The following LRRC7 variants were observed in gnomAD, a reference collection of about 807,000 sequenced individuals.
LRRC7 encodes the protein leucine rich repeat containing 7, also known as leucine-rich repeat-containing protein 7.
A neutral mutation model predicts 175.7 loss-of-function variants in LRRC7; 23 were observed. The observed-to-expected ratio is 0.13, with a 90% CI of 0.09 to 0.19. The LOEUF is 0.19. Among genes scored for constraint, LRRC7 ranks in the 10% least tolerant of loss-of-function variants. The pLI, the probability that LRRC7 is intolerant of heterozygous loss-of-function variation, is 1.00. For synonymous variants in LRRC7, 685 were observed against 680.9 expected, an observed-to-expected ratio of 1.01 and a Z score of -0.09; for missense variants, 1,354 against 1,904.7, an observed-to-expected ratio of 0.71 and a Z score of 5.38.
chr1:69,887,802 G>T (rs1372895593), intron 7 of LRRC7, among the ~76,000 whole-genome samples: 1 of 146,730 alleles, frequency 6.8e-6, no homozygotes, highest in African/African-American at 2.6e-5. Context: ...TTTTGGTGTG[G>T]ATGTCCTTTC....
intron 24 of LRRC7, among the ~76,000 whole-genome samples, chr1:70,078,792 A>G (rs965219353): frequency 6.8e-6 from 1 of 146,594 alleles, no homozygotes; most frequent in Non-Finnish European, 1.5e-5. Flanking sequence ...TTCTACATAT[A>G]CGCGCGCGCG....
chr1:69,915,194 C>G (rs531209218), intron 7 of LRRC7, among the ~76,000 whole-genome samples: 1 of 152,068 alleles, frequency 6.6e-6, no homozygotes, highest in Non-Finnish European at 1.5e-5. Flanking sequence ...GAATGTGACA[C>G]TAAGCCAAAG....
At chr1:69,883,899 A>T (rs1444416436) in intron 7 of LRRC7, among the ~76,000 whole-genome samples, 1 of 88,914 alleles carries the variant, frequency 1.1e-5, no homozygotes, top group African/African-American at 4.2e-5. Context: ...TGTTTTTCTC[A>T]GGTTTGTCAA....
At chr1:69,824,548 C>T (rs559754329) in intron 4 of LRRC7, among the ~76,000 whole-genome samples, 22 of 151,976 alleles carry the variant, frequency 1.4e-4, no homozygotes, top group Non-Finnish European at 2.4e-4. Context: ...AGAGAAATGG[C>T]GTGAGAAACA....
At chr1:70,013,247 T>C (rs1023218094) in intron 13 of LRRC7, among the ~76,000 whole-genome samples, 158 bp downstream of exon 13, 38 of 151,930 alleles carry the variant, frequency 2.5e-4, no homozygotes, top group Non-Finnish European at 5.2e-4. Context: ...AATTATTTTT[T>C]AAACCAAGTA....
chr1:69,858,299 G>A (rs906539714), intron 7 of LRRC7, among the ~76,000 whole-genome samples: 1 of 152,068 alleles, frequency 6.6e-6, no homozygotes, highest in Non-Finnish European at 1.5e-5. Flanking sequence ...CACAGCAAAA[G>A]AAACTATCAT....
At chr1:69,651,652 G>A (rs1453747257) in intron 1 of LRRC7, among the ~76,000 whole-genome samples, 1 of 152,076 alleles carries the variant, frequency 6.6e-6, no homozygotes, top group Non-Finnish European at 1.5e-5. Context: ...AGTATCCCAG[G>A]TGAGCACAAA....
intron 23 of LRRC7, 116 bp downstream of exon 23, chr1:70,053,261 ATAT>A (rs1489946336): frequency 7.2e-6 from 7 of 972,986 alleles, no homozygotes; most frequent in Non-Finnish European, 8.5e-6. Context: ...TTTAAGGTAA[ATAT>A]TATGCTACTA....
At chr1:69,713,618 G>T (rs1460806826) in intron 2 of LRRC7, among the ~76,000 whole-genome samples, 2 of 151,940 alleles carry the variant, frequency 1.3e-5, no homozygotes, top group African/African-American at 4.8e-5. Context: ...CTAAGTTGTA[G>T]GCCTATGCTA....
In LRRC7 at chr1:70,089,579, G is replaced by GT. The variant is rs1327158853; in HGVS notation, c.4453-145dup. On this transcript the variant is annotated intron_variant, in intron 24 of 26. Coordinates refer to ENST00000651989, the MANE Select transcript of LRRC7 (RefSeq NM_001370785.2). ...TAGAAACATTAAACATTTTGTCAAA[G>GT]TTTATATTGTCTTTTGTGTATCAAC... The GT allele has an allele frequency of 1.5e-5, 8 of 517,094 alleles. No individual in the cohort carries two copies. In the African/African-American group the frequency reaches 1.6e-4, roughly 10 times the overall value. The allele number at this position is 517,094 out of a possible 1,614,324, so 32.0% of individuals were successfully genotyped here. A position where few individuals can be genotyped will look rare whatever the true frequency, so the allele number is the denominator to read the frequency against.
rs1009126 is a variant in LRRC7, at chr1:70,049,249, A to C, written c.4111-3777A>C. ...TTAGTTAGTTGATATTCATCCTACC[A>C]GATTTTGAGTTAGAGAAATTTAGAT... On this transcript the variant is annotated intron_variant, in intron 22 of 26. Transcript: ENST00000651989. Among the ~76,000 whole-genome samples the C allele has an allele frequency of 5.5e-3, 841 of 152,244 alleles. 6 individuals carry two copies. Among genetic ancestry groups the C allele is most frequent in the South Asian group, 0.035 (167 of 4,828 alleles).
In LRRC7 at chr1:69,709,840, G is replaced by T. The variant is rs188208703; in HGVS notation, c.100+31362G>T. ...ATTGATTTATGCAACTATGTGTGTG[G>T]ATATAGGAAGCAAGATTTTTTAAGT... On this transcript the variant is annotated intron_variant, in intron 2 of 26. Transcript: ENST00000651989. 3.6e-4 allele frequency among the ~76,000 whole-genome samples: 55 copies of T among 152,230 alleles called. 1 individual carries two copies. The East Asian group carries it at 0.011, about 29-fold the overall frequency.
rs562180768 is a variant in LRRC7, at chr1:69,679,116, C to A, written c.100+638C>A. On this transcript the variant is annotated intron_variant, in intron 2 of 26. Coordinates refer to ENST00000651989, the MANE Select transcript of LRRC7 (RefSeq NM_001370785.2). ...GATTATATTTATTTATTATCTGTAG[C>A]ATGTAGCAGATTGTTGGAGACTCTT... is the stretch of plus-strand genomic sequence containing the variant. 2.2e-4 allele frequency among the ~76,000 whole-genome samples: 34 copies of A among 152,080 alleles called. 1 individual carries two copies. The South Asian group carries it at 4.4e-3, about 19-fold the overall frequency.
chr1:69,659,456 A>G (rs1657118738), intron 1 of LRRC7, among the ~76,000 whole-genome samples: 1 of 151,832 alleles, frequency 6.6e-6, no homozygotes, highest in Non-Finnish European at 1.5e-5. Flanking sequence ...GTATAAATAG[A>G]CAATGTCATA....
chr1:69,814,921 G>A (rs1439190080), intron 4 of LRRC7, among the ~76,000 whole-genome samples: 1 of 152,058 alleles, frequency 6.6e-6, no homozygotes, highest in African/African-American at 2.4e-5. Context: ...TGAATTTAAT[G>A]TTTGTTTTGT....
chr1:69,904,265 T>C (rs936728794), intron 7 of LRRC7, among the ~76,000 whole-genome samples: 12 of 152,168 alleles, frequency 7.9e-5, no homozygotes, highest in Non-Finnish European at 1.3e-4. Context: ...AGAAAAAGAA[T>C]TTTTGAGTAA....
At chr1:69,702,146 C>T (rs1663431231) in intron 2 of LRRC7, among the ~76,000 whole-genome samples, 1 of 152,176 alleles carries the variant, frequency 6.6e-6, no homozygotes, top group Admixed American at 6.6e-5. Context: ...GACATTTGTG[C>T]CACTTGGCCA....
At chr1:69,606,167 AAGG>A (rs1647533458) in intron 1 of LRRC7, among the ~76,000 whole-genome samples, 1 of 152,160 alleles carries the variant, frequency 6.6e-6, no homozygotes, top group South Asian at 2.1e-4. Context: ...TTTACTAAAT[AAGG>A]AGCTCTTCAG....
chr1:69,690,437 G>T (rs928023651), intron 2 of LRRC7, among the ~76,000 whole-genome samples: 1 of 152,136 alleles, frequency 6.6e-6, no homozygotes, highest in African/African-American at 2.4e-5. Context: ...ATTTAAGTGA[G>T]GGATTTGAAA....
Sources: gnomAD v4.1 joint callset for allele counts (sites outside exome capture counted in the v4.1 genomes callset) on GRCh38, gnomAD v4.1.1 for gene constraint, MANE v1.5 for transcripts, NCBI Gene and HGNC (gene_info 2026-07-23, HGNC 2026-07-21) for gene names.